FOXP1: variants seen among roughly 807,000 people sequenced by gnomAD.
FOXP1 encodes the protein forkhead box P1, also known as forkhead box protein P1.
FOXP1 carries 15 observed loss-of-function variants against 98.2 expected under a neutral mutation model. That is an observed-to-expected ratio of 0.15 (90% CI 0.10 to 0.24). The LOEUF is 0.24. Ranked by LOEUF, FOXP1 falls within the 10% of genes least tolerant of loss-of-function variation. The probability of loss-of-function intolerance (pLI) is 1.00; values close to 1 mark genes in which losing one functional copy is unlikely to be tolerated. For synonymous variants in FOXP1, 371 were observed against 314.5 expected (o/e 1.18, Z -1.90); for missense variants, 633 against 848.5 (o/e 0.75, Z 3.15).
chr3:71,497,216 T>G (rs189710426), intron 2 of FOXP1, among the ~76,000 whole-genome samples: 2 of 152,040 alleles, frequency 1.3e-5, no homozygotes, highest in Non-Finnish European at 2.9e-5. Flanking sequence ...CGTAGAATTG[T>G]ATAACTAGAA....
chr3:71,175,158 C>T (rs1000778028), intron 6 of FOXP1, among the ~76,000 whole-genome samples: 19 of 152,168 alleles, frequency 1.2e-4, no homozygotes, highest in African/African-American at 4.6e-4. Flanking sequence ...GTGATCCATC[C>T]GCCTTGGCCT....
At chr3:71,287,274 C>A (rs1461035611) in intron 5 of FOXP1, among the ~76,000 whole-genome samples, 3 of 152,084 alleles carry the variant, frequency 2.0e-5, no homozygotes, top group Non-Finnish European at 2.9e-5. Context: ...GAGTTTAAGA[C>A]CAGCCTGGGG....
chr3:71,411,407 C>T (rs958861401), intron 3 of FOXP1, among the ~76,000 whole-genome samples: 2 of 151,900 alleles, frequency 1.3e-5, no homozygotes, highest in African/African-American at 4.8e-5. Flanking sequence ...CTCCGCCTCC[C>T]GGGTTCAAGC....
intron 3 of FOXP1, among the ~76,000 whole-genome samples, chr3:71,415,127 G>C (rs186139676): frequency 9.2e-5 from 14 of 152,288 alleles, no homozygotes; most frequent in African/African-American, 2.9e-4. Context: ...AAGAAAGAAA[G>C]GGAATCTGTG....
At chr3:71,024,498 A>G (rs771829524) in intron 11 of FOXP1, among the ~76,000 whole-genome samples, 2 of 152,244 alleles carry the variant, frequency 1.3e-5, no homozygotes, top group Non-Finnish European at 2.9e-5. Context: ...GGCCTACCCT[A>G]GAGTGAATAA....
At chr3:71,130,534 T>C (rs1259943790) in intron 6 of FOXP1, 4 of 1,598,340 alleles carry the variant, frequency 2.5e-6, no homozygotes, top group Non-Finnish European at 3.4e-6. Context: ...GAGCCCGTAC[T>C]GTCTGCCTTT....
intron 8 of FOXP1, among the ~76,000 whole-genome samples, chr3:71,053,221 T>C (rs1443724622): frequency 2.0e-5 from 3 of 152,186 alleles, no homozygotes; most frequent in African/African-American, 7.2e-5. Context: ...TCTAGAATGC[T>C]TCTTTATGTT....
At chr3:70,984,457 C>CA (rs1177241744) in intron 14 of FOXP1, among the ~76,000 whole-genome samples, 1 of 152,146 alleles carries the variant, frequency 6.6e-6, no homozygotes, top group African/African-American at 2.4e-5. Flanking sequence ...ACAGGTAGTG[C>CA]AATTCACGGA....
intron 3 of FOXP1, among the ~76,000 whole-genome samples, chr3:71,433,004 C>T (rs999772238): frequency 6.6e-6 from 1 of 151,776 alleles, no homozygotes; most frequent in Admixed American, 6.6e-5. Context: ...TCATTTTGTA[C>T]CTGCTTGGTC....
intron 3 of FOXP1, among the ~76,000 whole-genome samples, chr3:71,439,379 G>A (rs1252622194): frequency 6.6e-6 from 1 of 152,146 alleles, no homozygotes; most frequent in African/African-American, 2.4e-5. Flanking sequence ...GGTGGGGAGG[G>A]GTCTGAAGGG....
intron 3 of FOXP1, among the ~76,000 whole-genome samples, chr3:71,419,406 A>G (rs2083461763): frequency 6.6e-6 from 1 of 152,130 alleles, no homozygotes; most frequent in Non-Finnish European, 1.5e-5. Context: ...AATATTCCCA[A>G]TAACAGCCTC....
In FOXP1 at chr3:71,130,639, A is replaced by G. The variant is rs758221950; in HGVS notation, c.181-18002T>C. The G allele has an allele frequency of 1.1e-5, 17 of 1,598,088 alleles. No individual in the cohort carries two copies. The South Asian group carries it at 1.5e-4, about 14-fold the overall frequency. Reference sequence around the variant, plus strand: ...AAAGATGTTTGAATAAACAGGAAGTACTGTGCGGCTGAAGCACACTCGAAG... The same window carrying G: ...AAAGATGTTTGAATAAACAGGAAGTGCTGTGCGGCTGAAGCACACTCGAAG... On this transcript the variant is annotated intron_variant, in intron 6 of 20. Transcript: ENST00000649528.
At chr3:71,126,694 C>T (rs1290223084) in intron 6 of FOXP1, among the ~76,000 whole-genome samples, 6 of 151,148 alleles carry the variant, frequency 4.0e-5, no homozygotes, top group Middle Eastern at 3.2e-3. Flanking sequence ...TGTGATGGTG[C>T]ACACCTGTAG....
chr3:71,131,488 G>A (rs1019892751), intron 6 of FOXP1, among the ~76,000 whole-genome samples: 11 of 151,520 alleles, frequency 7.3e-5, no homozygotes, highest in Non-Finnish European at 1.6e-4. Flanking sequence ...TGCCACAGAA[G>A]CTACTGATTT....
At chr3:71,573,881 T>C (rs1433478690) in intron 2 of FOXP1, 1 of 152,208 alleles carries the variant, frequency 6.6e-6, no homozygotes, top group African/African-American at 2.4e-5. Context: ...GATTCCCTAA[T>C]GAAATATCAG....
chr3:71,157,552 C>T (rs2060885898), intron 6 of FOXP1, among the ~76,000 whole-genome samples: 2 of 152,174 alleles, frequency 1.3e-5, no homozygotes, highest in Non-Finnish European at 2.9e-5. Context: ...ACTTTTAGAA[C>T]ACATCCTTTA....
chr3:71,119,623 C>T (rs952084910), intron 6 of FOXP1, among the ~76,000 whole-genome samples: 5 of 152,154 alleles, frequency 3.3e-5, no homozygotes, highest in African/African-American at 1.2e-4. Context: ...TTCCCCTAAA[C>T]TAGTTTGCTA....
At chr3:71,246,460 A>C (rs963737626) in intron 5 of FOXP1, among the ~76,000 whole-genome samples, 3 of 152,214 alleles carry the variant, frequency 2.0e-5, no homozygotes, top group African/African-American at 4.8e-5. Context: ...TCCAAAGCTC[A>C]GAAAGAGTTC....
At chr3:71,401,425 C>T (rs183502134) in intron 3 of FOXP1, among the ~76,000 whole-genome samples, 3 of 152,288 alleles carry the variant, frequency 2.0e-5, no homozygotes, top group Non-Finnish European at 2.9e-5. Flanking sequence ...CTGAAAAATT[C>T]GTGTTGTCCC....
Sources: allele counts gnomAD v4.1 joint callset (sites outside exome capture counted in the v4.1 genomes callset), GRCh38; gene constraint gnomAD v4.1.1; transcripts MANE v1.5; gene names NCBI Gene and HGNC (gene_info 2026-07-23, HGNC 2026-07-21).